ZNF207: variants seen among roughly 807,000 people sequenced by gnomAD.
The protein encoded by ZNF207 is BUB3-interacting and GLEBS motif-containing protein ZNF207.
Under a neutral mutation model 60.2 loss-of-function variants are expected in ZNF207, and 24 were observed. That is an observed-to-expected ratio of 0.40 (90% CI 0.29 to 0.56). ZNF207 has a LOEUF of 0.56. ZNF207 is among the 20% of genes least tolerant of loss of function. The probability of loss-of-function intolerance (pLI) is 0.49; values close to 1 mark genes in which losing one functional copy is unlikely to be tolerated. For synonymous variants in ZNF207, 236 were observed against 194.7 expected (o/e 1.21, Z -1.77); for missense variants, 452 against 636.6 (o/e 0.71, Z 3.12).
At position 32,358,492 on chromosome 17, in the gene ZNF207, G is replaced by A; in HGVS notation, c.169-11G>A. The A allele has an allele frequency of 6.5e-7, 1 of 1,535,098 alleles. No homozygotes were observed. The highest frequency in any genetic ancestry group is 1.3e-5 in the South Asian group (1 of 75,240). ...AAAAGACTTTTATCTAATGGAAATT[G>A]TTGTTGTTAGGTACATAAAGAAACA... On this transcript the variant is annotated splice_polypyrimidine_tract_variant and intron_variant, in intron 2 of 11. Coordinates refer to ENST00000394670, the MANE Select transcript of ZNF207 (RefSeq NM_001098507.2).
chr17:32,363,907 A>T (rs999970582), intron 7 of ZNF207, among the ~76,000 whole-genome samples: 2 of 152,066 alleles, frequency 1.3e-5, no homozygotes, highest in Non-Finnish European at 2.9e-5. Flanking sequence ...TGGCTCAATG[A>T]TATTTATTAA....
rs184941377 is a variant in ZNF207, at chr17:32,379,718, A to G, written c.*9959A>G. 1.9e-4 allele frequency: 29 copies of G among 152,302 alleles called. No homozygotes were observed. Among genetic ancestry groups the G allele is most frequent in the Admixed American group, 1.6e-3 (24 of 15,298 alleles). The allele number at this position is 152,302 out of a possible 1,614,324, so 9.4% of individuals were successfully genotyped here. On this transcript the variant is annotated 3_prime_UTR_variant, in exon 12 of 12. Coordinates refer to ENST00000394670, the MANE Select transcript of ZNF207 (RefSeq NM_001098507.2). Reference sequence around the variant, plus strand: ...TTACAGGGTTTCTTTGAGAGGCTTAAAAATTTCAAAAGTATTATTTAAGCC... The same window carrying G: ...TTACAGGGTTTCTTTGAGAGGCTTAGAAATTTCAAAAGTATTATTTAAGCC...
rs200670507 is a variant in ZNF207, at chr17:32,350,184, G to A, written c.-102G>A. ...CGGCCATTTTGTGTCTGCTTCCTGT[G>A]GGACGTGGTGGTAGCCGTTGGGTTG... On this transcript the variant is annotated 5_prime_UTR_variant, in exon 1 of 12. Coordinates refer to ENST00000394670, the MANE Select transcript of ZNF207 (RefSeq NM_001098507.2). 349 of 1,551,054 alleles carry A rather than the reference G, an allele frequency of 2.3e-4. 3 individuals are homozygous for A. The Middle Eastern group carries it at 0.01, about 45-fold the overall frequency.
Position 32,373,339 on chromosome 17 carries a change from AT to A in ZNF207, c.*3581del. On this transcript the variant is annotated 3_prime_UTR_variant, in exon 12 of 12. Transcript: ENST00000394670. ...TTTTTAAAAAAAAAAATTTTAATGC[AT>A]GTCTTTTAAATTAATTGGGAACTGT... is the stretch of plus-strand genomic sequence containing the variant. 1.5e-6 allele frequency: 1 copy of A among 646,712 alleles called. No individual in the cohort carries two copies. The highest frequency in any genetic ancestry group is 2.8e-6 in the Non-Finnish European group (1 of 362,374). The allele number at this position is 646,712 out of a possible 1,614,324, so 40.1% of individuals were successfully genotyped here.
chr17:32,359,186 T>A (rs1440665895), intron 3 of ZNF207, among the ~76,000 whole-genome samples: 1 of 151,720 alleles, frequency 6.6e-6, no homozygotes, highest in Non-Finnish European at 1.5e-5. Context: ...GATCTCGGCT[T>A]ACCACAACCT....
At position 32,378,463 on chromosome 17, in the gene ZNF207, T is replaced by C. The variant is rs1427517286; in HGVS notation, c.*8704T>C. On this transcript the variant is annotated 3_prime_UTR_variant, in exon 12 of 12. Coordinates refer to ENST00000394670, the MANE Select transcript of ZNF207 (RefSeq NM_001098507.2). ...ATGTTTTTATAATGCTTTTTTGTTC[T>C]TTTAGCAACACTTGTAAATACAAGT... is the stretch of plus-strand genomic sequence containing the variant. The C allele has an allele frequency of 1.3e-5, 2 of 152,112 alleles. No individual in the cohort carries two copies. The highest frequency in any genetic ancestry group is 2.9e-5 in the Non-Finnish European group (2 of 67,934). 9.4% of individuals were successfully genotyped at this position (152,112 alleles called of 1,614,324 possible). A position where few individuals can be genotyped will look rare whatever the true frequency, so the allele number is the denominator to read the frequency against.
In ZNF207 at chr17:32,372,493, CTG is replaced by C. The variant is rs1567829992; in HGVS notation, c.*2736_*2737del. Reference sequence around the variant, plus strand: ...ACTTTGTAGCAAGGTTTTTTGCTCTCTGTATAGGTCTGATGGGCAAAAATGGA... The same window carrying C: ...ACTTTGTAGCAAGGTTTTTTGCTCTCTATAGGTCTGATGGGCAAAAATGGA... On this transcript the variant is annotated 3_prime_UTR_variant, in exon 12 of 12. Coordinates refer to ENST00000394670, the MANE Select transcript of ZNF207 (RefSeq NM_001098507.2). The C allele has an allele frequency of 6.6e-6, 1 of 152,050 alleles. No individual in the cohort carries two copies. Among genetic ancestry groups the C allele is most frequent in the African/African-American group, 2.4e-5 (1 of 41,396 alleles). 9.4% of individuals were successfully genotyped at this position (152,050 alleles called of 1,614,324 possible).
In ZNF207 at chr17:32,350,249, T is replaced by C. The variant is rs1401888164; in HGVS notation, c.-37T>C. ...TTTTGGCCTCGTTTCTCCTGCTTCTTTTCTCCTCCCTTTTACTTTGCCGGT... is the reference window on the plus strand; with the variant it reads ...TTTTGGCCTCGTTTCTCCTGCTTCTCTTCTCCTCCCTTTTACTTTGCCGGT... On this transcript the variant is annotated 5_prime_UTR_variant, in exon 1 of 12. Coordinates refer to ENST00000394670, the MANE Select transcript of ZNF207 (RefSeq NM_001098507.2). 2.5e-6 allele frequency: 4 copies of C among 1,613,942 alleles called. No individual in the cohort carries two copies. The South Asian group carries it at 3.3e-5, about 13-fold the overall frequency.
In ZNF207 at chr17:32,361,491, C is replaced by A; in HGVS notation, c.575C>A (p.Thr192Asn). The change falls in exon 6 of 12, where the codon ACC becomes AAC. Residue 192 changes from threonine to asparagine, a missense_variant. By Grantham distance (65) the Thr-to-Asn change is moderately conservative. Transcript: ENST00000394670. ...AGATTGCATCATCAGAGAAAATACA[C>A]CCAGTCATTTTGCGGTGAAAACATG... ...PPGLHHQRKY[T>N]QSFCGENIMM... 1 of 1,607,738 alleles carries A rather than the reference C, an allele frequency of 6.2e-7. No homozygotes were observed.
At chr17:32,368,884 A>G (rs1173210467) in intron 10 of ZNF207, 2 of 162,084 alleles carry the variant, frequency 1.2e-5, no homozygotes, top group Non-Finnish European at 2.7e-5. Context: ...GCATGCCTGT[A>G]ATCCCAGCTA....
At position 32,365,399 on chromosome 17, in the gene ZNF207, G is replaced by T. The variant is rs899012768; in HGVS notation, c.740G>T (p.Gly247Val). The change falls in exon 8 of 12, where the codon GGT becomes GTT. Residue 247 changes from glycine to valine, a missense_variant. Physicochemically the swap from Gly to Val is moderately radical, Grantham distance 109. This residue lies in a region of ZNF207 where 390 missense variants were observed against 461.4 expected (regional missense o/e 0.85). Coordinates refer to ENST00000394670, the MANE Select transcript of ZNF207 (RefSeq NM_001098507.2). ...CAAGCACAGGCTGTTTCAGCGCCAG[G>T]TATTCTTAATAGACCACCTGCACCA... Reference protein sequence around the residue: ...MTQAQAVSAPGILNRPPAPTA... With the variant: ...MTQAQAVSAPVILNRPPAPTA... 7 of 1,613,918 alleles carry T rather than the reference G, an allele frequency of 4.3e-6. No individual in the cohort carries two copies. Among genetic ancestry groups the T allele is most frequent in the Non-Finnish European group, 5.9e-6 (7 of 1,180,014 alleles).
rs1168768559 is a variant in ZNF207 at position 32,381,492 on chromosome 17, A to T, written c.*11733A>T. 1 of 152,264 alleles carries T rather than the reference A, an allele frequency of 6.6e-6. No individual in the cohort carries two copies. Among genetic ancestry groups the T allele is most frequent in the African/African-American group, 2.4e-5 (1 of 41,472 alleles). 9.4% of individuals were successfully genotyped at this position (152,264 alleles called of 1,614,324 possible). ...TGGTTAAATAGCTGGAAGCTTGTGC[A>T]AATGAAAAATGAAATGGAAGACTAC... On this transcript the variant is annotated 3_prime_UTR_variant, in exon 12 of 12. Transcript: ENST00000394670.
In ZNF207 at chr17:32,380,718, C is replaced by T. The variant is rs566803950; in HGVS notation, c.*10959C>T. 1.3e-5 allele frequency: 2 copies of T among 152,258 alleles called. No homozygotes were observed. Among genetic ancestry groups the T allele is most frequent in the Admixed American group, 1.3e-4 (2 of 15,292 alleles). 9.4% of individuals were successfully genotyped at this position (152,258 alleles called of 1,614,324 possible). Reference sequence around the variant, plus strand: ...AAATTGAGAGAAAAGGGGCTGGGCCCAGCTGAGGCGGGTGGATCTCCTGAG... The same window carrying T: ...AAATTGAGAGAAAAGGGGCTGGGCCTAGCTGAGGCGGGTGGATCTCCTGAG... On this transcript the variant is annotated 3_prime_UTR_variant, in exon 12 of 12. Transcript: ENST00000394670.
Position 32,373,243 on chromosome 17 carries a change from G to A in ZNF207, c.*3484G>A. 1 of 459,736 alleles carries A rather than the reference G, an allele frequency of 2.2e-6. No individual in the cohort carries two copies. Among genetic ancestry groups the A allele is most frequent in the South Asian group, 5.0e-5 (1 of 19,950 alleles). The allele number at this position is 459,736 out of a possible 1,614,324, so 28.5% of individuals were successfully genotyped here. ...GATTCCCCAACAAAAAGAAGTACGGGCTCAGAGTGGAATTGTAGTGGACAA... is the reference window on the plus strand; with the variant it reads ...GATTCCCCAACAAAAAGAAGTACGGACTCAGAGTGGAATTGTAGTGGACAA... On this transcript the variant is annotated 3_prime_UTR_variant, in exon 12 of 12. Coordinates refer to ENST00000394670, the MANE Select transcript of ZNF207 (RefSeq NM_001098507.2).
chr17:32,364,575 G>T (rs190817019), intron 7 of ZNF207, among the ~76,000 whole-genome samples: 142 of 151,838 alleles, frequency 9.4e-4, no homozygotes, highest in Non-Finnish European at 1.5e-3. Flanking sequence ...GGTCAGGCTG[G>T]TCTCGAACTC....
rs1419178752 is a variant in ZNF207 at position 32,360,216 on chromosome 17, G to T, written c.308-382G>T. 2.0e-5 allele frequency among the ~76,000 whole-genome samples: 3 copies of T among 146,482 alleles called. No homozygotes were observed. The East Asian group carries it at 5.9e-4, about 29-fold the overall frequency. On this transcript the variant is annotated intron_variant, in intron 3 of 11. Transcript: ENST00000394670. ...AAAAAAAAAAAAAGCCCAGTGTGGT[G>T]GCATGTGTCTGCAGTCCCAGCTACT...
Position 32,376,977 on chromosome 17 carries a change from G to GT in ZNF207, c.*7221dup, listed in dbSNP as rs1232685355. On this transcript the variant is annotated 3_prime_UTR_variant, in exon 12 of 12. Transcript: ENST00000394670. Reference sequence around the variant, plus strand: ...ACATTGTTAGTGTCTGGGTTGGTTGGTTTGCATTTTACTATTATGGTGGAA... The same window carrying GT: ...ACATTGTTAGTGTCTGGGTTGGTTGGTTTTGCATTTTACTATTATGGTGGAA... The GT allele has an allele frequency of 1.3e-5, 2 of 152,010 alleles. No homozygotes were observed. Among genetic ancestry groups the GT allele is most frequent in the Non-Finnish European group, 2.9e-5 (2 of 67,906 alleles). 9.4% of individuals were successfully genotyped at this position (152,010 alleles called of 1,614,324 possible).
intron 2 of ZNF207, among the ~76,000 whole-genome samples, chr17:32,355,357 C>T (rs905036465): frequency 6.6e-6 from 1 of 152,114 alleles, no homozygotes; most frequent in Non-Finnish European, 1.5e-5. Context: ...CTACTCAGCT[C>T]CAACTTGGGC....
rs1429785769 is a variant in ZNF207 at position 32,373,645 on chromosome 17, GTA to G, written c.*3888_*3889del. The G allele has an allele frequency of 2.9e-5, 11 of 382,992 alleles. No homozygotes were observed. The highest frequency in any genetic ancestry group is 4.6e-5 in the Non-Finnish European group (10 of 217,728). The allele number at this position is 382,992 out of a possible 1,614,324, so 23.7% of individuals were successfully genotyped here. On this transcript the variant is annotated 3_prime_UTR_variant, in exon 12 of 12. Transcript: ENST00000394670. ...TTGACTGTGGTGTTAATAAACATAA[GTA>G]TTTCATATGCAATTTTATGTAATTT...
Sources: gnomAD v4.1 joint callset for allele counts (sites outside exome capture counted in the v4.1 genomes callset) on GRCh38, gnomAD v4.1.1 for gene constraint, gnomAD v4.1.1 regional missense constraint, MANE v1.5 for transcripts, NCBI Gene and HGNC (gene_info 2026-07-23, HGNC 2026-07-21) for gene names.